Variants in NBAS observed in about 807,000 individuals in gnomAD.
NBAS encodes the protein NAG/BC035112 fusion.
In NBAS, 219 loss-of-function variants were observed where a neutral mutation model predicts 302.5. The ratio of observed to expected loss-of-function variants is 0.72; its 90% CI spans 0.65 to 0.81. The LOEUF is 0.81. Among genes scored for constraint, NBAS ranks in the 30% least tolerant of loss-of-function variants. The pLI, the probability that NBAS is intolerant of heterozygous loss-of-function variation, is 0.00. For synonymous variants in NBAS, 1,118 were observed against 1,021.6 expected, an observed-to-expected ratio of 1.09 and a Z score of -1.80; for missense variants, 2,932 against 2,841.6, an observed-to-expected ratio of 1.03 and a Z score of -0.72.
the NBAS span, among the ~76,000 whole-genome samples, chr2:15,053,496 T>C: frequency 6.6e-6 from 1 of 152,116 alleles, no homozygotes; most frequent in South Asian, 2.1e-4. Flanking sequence ...TTCAAAATAT[T>C]CCATCACCTA....
At chr2:15,378,498 G>T (rs1426752537) in intron 30 of NBAS, among the ~76,000 whole-genome samples, 1 of 152,162 alleles carries the variant, frequency 6.6e-6, no homozygotes, top group Non-Finnish European at 1.5e-5. Flanking sequence ...TAAACCCATT[G>T]CAAGTTGAAA....
At chr2:14,966,058 G>T in the NBAS span, among the ~76,000 whole-genome samples, 5 of 152,176 alleles carry the variant, frequency 3.3e-5, no homozygotes, top group Non-Finnish European at 7.3e-5. Context: ...GCAGAGGTTG[G>T]AGTAATGCAA....
Position 15,178,972 on chromosome 2 carries a change from A to T in NBAS, c.6840+16T>A. On this transcript the variant is annotated intron_variant, in intron 51 of 51. Coordinates refer to ENST00000281513, the MANE Select transcript of NBAS (RefSeq NM_015909.4). ...AAAAAAAAAAAAAGAAAGAAAGTAA[A>T]TTCAACTGGGCATACCGTAGTGACT... The T allele has an allele frequency of 6.2e-7, 1 of 1,612,940 alleles. No individual in the cohort carries two copies. Among genetic ancestry groups the T allele is most frequent in the Non-Finnish European group, 8.5e-7 (1 of 1,179,660 alleles).
the NBAS span, among the ~76,000 whole-genome samples, chr2:15,159,459 G>A: frequency 3.5e-3 from 97 of 27,836 alleles, 2 homozygotes; most frequent in East Asian, 0.26. Context: ...GGACCAGCAC[G>A]TTACAACATG....
rs186737812 is a variant in NBAS, at chr2:15,479,198, C to T, written c.1084-909G>A. ...GAGCAGACCCTGAGAACAGAAGACA[C>T]GGTCTTAAACTTAATCAGAAAAAAA... is the stretch of plus-strand genomic sequence containing the variant. On this transcript the variant is annotated intron_variant, in intron 12 of 51. Transcript: ENST00000281513. 7.2e-4 allele frequency among the ~76,000 whole-genome samples: 110 copies of T among 152,140 alleles called. No homozygotes were observed. The Middle Eastern group carries it at 0.014, about 19-fold the overall frequency.
chr2:14,891,771 TG>T, the NBAS span, among the ~76,000 whole-genome samples: 1 of 152,318 alleles, frequency 6.6e-6, no homozygotes, highest in South Asian at 2.1e-4. Flanking sequence ...CCAGTTCTCA[TG>T]GAAGGCCTGG....
chr2:14,974,311 G>A, the NBAS span, among the ~76,000 whole-genome samples: 4 of 152,148 alleles, frequency 2.6e-5, no homozygotes, highest in Non-Finnish European at 2.9e-5. Flanking sequence ...AAGCTTTACC[G>A]CTATAAATAT....
At chr2:14,811,187 C>T in the NBAS span, among the ~76,000 whole-genome samples, 1 of 152,274 alleles carries the variant, frequency 6.6e-6, no homozygotes, top group Non-Finnish European at 1.5e-5. Context: ...GTGGGAGGAT[C>T]ACTTGAGGCC....
At chr2:15,297,629 C>A (rs1370966414) in intron 40 of NBAS, among the ~76,000 whole-genome samples, 1 of 152,216 alleles carries the variant, frequency 6.6e-6, no homozygotes, top group Non-Finnish European at 1.5e-5. Context: ...CCCAGCCATG[C>A]TTCCTGTTAA....
At chr2:15,426,890 A>C (rs1677506585) in intron 22 of NBAS, among the ~76,000 whole-genome samples, 1 of 152,130 alleles carries the variant, frequency 6.6e-6, no homozygotes, top group African/African-American at 2.4e-5. Context: ...GCCATATCTC[A>C]GTATCTAGAA....
chr2:15,390,689 A>G (rs1197508271), intron 28 of NBAS, among the ~76,000 whole-genome samples: 1 of 152,258 alleles, frequency 6.6e-6, no homozygotes, highest in Non-Finnish European at 1.5e-5. Flanking sequence ...ATTTATATGT[A>G]TCCCATCACT....
intron 6 of NBAS, among the ~76,000 whole-genome samples, chr2:15,540,687 G>T (rs1171685863): frequency 1.3e-5 from 2 of 150,766 alleles, no homozygotes. Context: ...CGACAACCTG[G>T]CAAATGAGCA....
intron 47 of NBAS, among the ~76,000 whole-genome samples, chr2:15,226,168 T>C (rs989481646): frequency 5.3e-5 from 8 of 152,244 alleles, no homozygotes; most frequent in Non-Finnish European, 8.8e-5. Flanking sequence ...CTTCATTTCC[T>C]AATCTGTAAA....
At chr2:15,279,519 A>C (rs1669734666) in intron 42 of NBAS, among the ~76,000 whole-genome samples, 1 of 152,222 alleles carries the variant, frequency 6.6e-6, no homozygotes, top group South Asian at 2.1e-4. Context: ...CAAAGTATTC[A>C]AGACAGACTC....
chr2:15,000,953 C>T, the NBAS span, among the ~76,000 whole-genome samples: 3 of 152,100 alleles, frequency 2.0e-5, no homozygotes, highest in Admixed American at 6.6e-5. Context: ...AGAGGGTGAA[C>T]GACACACCAC....
chr2:15,101,815 G>A, the NBAS span, among the ~76,000 whole-genome samples: 1 of 152,352 alleles, frequency 6.6e-6, no homozygotes, highest in African/African-American at 2.4e-5. Context: ...CTAGAGGGTG[G>A]AAGCAGAATT....
downstream of NBAS, among the ~76,000 whole-genome samples, chr2:15,164,381 G>A (rs1293168323): frequency 1.3e-5 from 2 of 152,230 alleles, no homozygotes; most frequent in Non-Finnish European, 2.9e-5. Context: ...TTGCATTGTG[G>A]TTCCATTACT....
At chr2:15,097,475 C>T in the NBAS span, among the ~76,000 whole-genome samples, 1 of 152,070 alleles carries the variant, frequency 6.6e-6, no homozygotes, top group African/African-American at 2.4e-5. Context: ...ATGGCTTATA[C>T]CATAGGTTGA....
the NBAS span, among the ~76,000 whole-genome samples, chr2:14,841,593 T>C: frequency 6.6e-6 from 1 of 151,508 alleles, no homozygotes. Context: ...AAAAAGGTCA[T>C]TATATGATGA....
Sources: allele counts gnomAD v4.1 joint callset (sites outside exome capture counted in the v4.1 genomes callset), GRCh38; gene constraint gnomAD v4.1.1; transcripts MANE v1.5; gene names NCBI Gene and HGNC (gene_info 2026-07-23, HGNC 2026-07-21).